The following RACGAP1 variants were observed in gnomAD, a reference collection of about 807,000 sequenced individuals.
RACGAP1 encodes the protein rac GTPase-activating protein 1.
In RACGAP1, 30 loss-of-function variants were observed where a neutral mutation model predicts 78.1. The ratio of observed to expected loss-of-function variants is 0.38; its 90% CI spans 0.29 to 0.52. RACGAP1 has a LOEUF of 0.52. Ranked by LOEUF, RACGAP1 falls within the 20% of genes least tolerant of loss-of-function variation. The pLI is 0.82. For synonymous variants in RACGAP1, 231 were observed against 264.8 expected, an observed-to-expected ratio of 0.87 and a Z score of 1.24; for missense variants, 587 against 777.1, an observed-to-expected ratio of 0.76 and a Z score of 2.91.
chr12:49,992,351 A>G lies in RACGAP1; in HGVS notation c.1472T>C (p.Met491Thr). 2 of 1,614,228 alleles carry G rather than the reference A, an allele frequency of 1.2e-6. No homozygotes were observed. Among genetic ancestry groups the G allele is most frequent in the Non-Finnish European group, 1.7e-6 (2 of 1,180,026 alleles). ...QRVAQSPHTK[M>T]DVANLAKVFG... ...GACTTTAGCCAGATTGGCAACATCC[A>G]TTTTAGTATGTGGACTCTGAGCCAC... The change falls in exon 14 of 17, where the codon ATG (methionine) becomes ACG (threonine). Residue 491 changes from methionine to threonine, a missense_variant. Met to Thr is a moderately conservative substitution (Grantham distance 81). Transcript: ENST00000312377.
intron 16 of RACGAP1, 25 bp from the exon 17 acceptor site, chr12:49,990,368 GA>G: frequency 1.3e-6 from 2 of 1,570,440 alleles, no homozygotes; most frequent in Non-Finnish European, 1.8e-6. Flanking sequence ...GAATGAACTG[GA>G]AAAATATTCT....
rs146623720 is a variant in RACGAP1, at chr12:50,002,538, A to G, written c.496-238T>C. ...ATAAAATCAGGAATCAATACCACAG[A>G]GGCAAGAAGAGGTTAAAGAATCAAA... On this transcript the variant is annotated intron_variant, in intron 5 of 16. Coordinates refer to ENST00000312377, the MANE Select transcript of RACGAP1 (RefSeq NM_001319999.2). 134 of 360,324 alleles carry G rather than the reference A, an allele frequency of 3.7e-4. 1 individual carries two copies. In the East Asian group the frequency reaches 5.8e-3, roughly 16 times the overall value. 22.3% of individuals were successfully genotyped at this position (360,324 alleles called of 1,614,324 possible). A position where few individuals can be genotyped will look rare whatever the true frequency, so the allele number is the denominator to read the frequency against.
chr12:50,005,174 T>C, intron 4 of RACGAP1, 82 bp downstream of exon 4: 2 of 1,574,050 alleles, frequency 1.3e-6, no homozygotes, highest in South Asian at 1.2e-5. Context: ...CTAGAAGAAG[T>C]ATATTTAAGA....
At chr12:50,006,217 G>A (rs1047680771) in intron 3 of RACGAP1, among the ~76,000 whole-genome samples, 6 of 152,160 alleles carry the variant, frequency 3.9e-5, no homozygotes, top group Non-Finnish European at 8.8e-5. Flanking sequence ...TAAGTTTCAA[G>A]TCTAAGTGAC....
intron 1 of RACGAP1, among the ~76,000 whole-genome samples, chr12:50,022,900 G>A (rs527964943): frequency 5.7e-4 from 87 of 152,330 alleles, no homozygotes; most frequent in African/African-American, 2.0e-3. Context: ...CTCAAATGCT[G>A]CTTTCTCAGT....
At position 50,006,418 on chromosome 12, in the gene RACGAP1, G is replaced by T; in HGVS notation, c.288+16C>A. 6.2e-7 allele frequency: 1 copy of T among 1,613,564 alleles called. No homozygotes were observed. The highest frequency in any genetic ancestry group is 2.2e-5 in the East Asian group (1 of 44,884). On this transcript the variant is annotated intron_variant, in intron 3 of 16. Coordinates refer to ENST00000312377, the MANE Select transcript of RACGAP1 (RefSeq NM_001319999.2). Reference sequence around the variant, plus strand: ...TCCTGCATCATCACTGTTCTAGCACGGAAAACAATACACACCAGCTTTTCG... The same window carrying T: ...TCCTGCATCATCACTGTTCTAGCACTGAAAACAATACACACCAGCTTTTCG...
chr12:50,001,103 A>G (rs1402878686), intron 7 of RACGAP1, 69 bp downstream of exon 7: 3 of 1,236,228 alleles, frequency 2.4e-6, no homozygotes, highest in East Asian at 2.4e-5. Context: ...CAATGCTGCA[A>G]TGCTGACTCA....
At chr12:50,022,101 CTCT>C (rs1189865706) in intron 1 of RACGAP1, among the ~76,000 whole-genome samples, 1 of 152,130 alleles carries the variant, frequency 6.6e-6, no homozygotes, top group Non-Finnish European at 1.5e-5. Flanking sequence ...TACTGAATAC[CTCT>C]TTTTTTCCCT....
At chr12:49,998,273 G>A (rs930776563) in intron 9 of RACGAP1, among the ~76,000 whole-genome samples, 2 of 151,874 alleles carry the variant, frequency 1.3e-5, no homozygotes, top group African/African-American at 4.8e-5. Flanking sequence ...GCATGGTGGT[G>A]GGCACCTGTA....
intron 5 of RACGAP1, among the ~76,000 whole-genome samples, chr12:50,002,851 C>T (rs746990318): frequency 5.9e-5 from 9 of 151,992 alleles, no homozygotes; most frequent in South Asian, 4.1e-4. Context: ...GAAACCCCGT[C>T]TCTACTAAAA....
chr12:49,999,101 A>G (rs1192231118), intron 9 of RACGAP1, 40 bp downstream of exon 9: 11 of 1,551,124 alleles, frequency 7.1e-6, no homozygotes, highest in Non-Finnish European at 9.6e-6. Flanking sequence ...TTACTTTCAC[A>G]ATTAAAAAAT....
Position 49,994,509 on chromosome 12 carries a change from C to T in RACGAP1, c.1045G>A (p.Gly349Arg). The T allele has an allele frequency of 1.2e-6, 2 of 1,605,150 alleles. No homozygotes were observed. The highest frequency in any genetic ancestry group is 2.2e-5 in the South Asian group (2 of 89,204). ...LIGTPVKIGE[G>R]MLADFVSQTS... Reference sequence around the variant, plus strand: ...TGGGACACAAAGTCTGCCAGCATTCCCTGGAAAAAAAAAAGAGCTTTAAAT... The same window carrying T: ...TGGGACACAAAGTCTGCCAGCATTCTCTGGAAAAAAAAAAGAGCTTTAAAT... The change falls in exon 11 of 17, where the codon GGA becomes AGA. Residue 349 changes from glycine (G) to arginine (R), a missense_variant and splice_region_variant. Transcript: ENST00000312377.
At chr12:50,026,885 T>C (rs1369963037), upstream of RACGAP1, among the ~76,000 whole-genome samples, 1 of 152,194 alleles carries the variant, frequency 6.6e-6, no homozygotes, top group African/African-American at 2.4e-5. Context: ...CACTATGTTG[T>C]CCAGGCTAGT....
chr12:50,007,963 C>T (rs1949069818), intron 2 of RACGAP1, among the ~76,000 whole-genome samples: 1 of 149,640 alleles, frequency 6.7e-6, no homozygotes, highest in Non-Finnish European at 1.5e-5. Flanking sequence ...ATACCGTATG[C>T]ATACACACTC....
intron 2 of RACGAP1, among the ~76,000 whole-genome samples, chr12:50,007,217 C>A (rs1949024970): frequency 6.6e-6 from 1 of 151,266 alleles, no homozygotes; most frequent in South Asian, 2.1e-4. Flanking sequence ...TTAACACTGC[C>A]CTGAAGGGTA....
chr12:50,001,616 T>C (rs1948680592), intron 6 of RACGAP1, among the ~76,000 whole-genome samples: 1 of 152,232 alleles, frequency 6.6e-6, no homozygotes, highest in South Asian at 2.1e-4. Context: ...TATCCCATTA[T>C]ATGAAGCTTA....
Position 49,994,453 on chromosome 12 carries a change from C to A in RACGAP1, c.1101G>T (p.Val367=), listed in dbSNP as rs145137439. 6.8e-6 allele frequency: 11 copies of A among 1,614,104 alleles called. No homozygotes were observed. The highest frequency in any genetic ancestry group is 9.3e-6 in the Non-Finnish European group (11 of 1,180,014). Residue 367 remains valine, a synonymous_variant, in exon 11 of 17, where the codon GTG becomes GTT. Transcript: ENST00000312377. ...TTTGCTCAATCTCATTTACACAATG[C>A]ACAACAATGGAGGGGATCATTGGAG... ...QTSPMIPSIV[V]HCVNEIEQRG...
chr12:49,998,854 C>T (rs1948473330), intron 9 of RACGAP1, among the ~76,000 whole-genome samples: 1 of 151,836 alleles, frequency 6.6e-6, no homozygotes, highest in Non-Finnish European at 1.5e-5. Context: ...GCTATGATTA[C>T]ACCCCTGCAC....
At chr12:49,995,419 G>A (rs1333883392) in intron 10 of RACGAP1, among the ~76,000 whole-genome samples, 3 of 151,858 alleles carry the variant, frequency 2.0e-5, no homozygotes, top group Non-Finnish European at 4.4e-5. Flanking sequence ...AAGATCAGGG[G>A]AAAATAATAT....
Sources: gnomAD v4.1 joint callset for allele counts (sites outside exome capture counted in the v4.1 genomes callset) on GRCh38, gnomAD v4.1.1 for gene constraint, MANE v1.5 for transcripts, NCBI Gene and HGNC (gene_info 2026-07-23, HGNC 2026-07-21) for gene names.